PRP4K: variants seen among roughly 807,000 people sequenced by gnomAD.
PRP4K encodes serine/threonine-protein kinase PRP4 homolog.
At chr6:4,027,063 G>A in the PRP4K span, among the ~76,000 whole-genome samples, 108 of 152,262 alleles carry the variant, frequency 7.1e-4, no homozygotes, top group African/African-American at 2.4e-3. Flanking sequence ...GGGGGATGTT[G>A]GGGCTGTAAG....
At chr6:4,060,301 T>G in the PRP4K span, 3 of 925,486 alleles carry the variant, frequency 3.2e-6, no homozygotes, top group Non-Finnish European at 4.9e-6. The surrounding 1 kb of genome is among the most constrained non-coding windows in gnomAD (Gnocchi z 4.7). Context: ...GTATATATTT[T>G]GTATGTATAT....
the PRP4K span, among the ~76,000 whole-genome samples, chr6:4,039,576 A>T: frequency 3.3e-5 from 5 of 152,098 alleles, no homozygotes; most frequent in Non-Finnish European, 7.4e-5. Flanking sequence ...AAGGCTTTCA[A>T]CCAATTCTGT....
the PRP4K span, chr6:4,057,133 C>T: frequency 6.2e-7 from 1 of 1,613,620 alleles, no homozygotes; most frequent in South Asian, 1.1e-5. Flanking sequence ...CTGGCAAAAC[C>T]AATAACCATA....
the PRP4K span, among the ~76,000 whole-genome samples, chr6:4,035,780 C>A: frequency 6.6e-6 from 1 of 152,088 alleles, no homozygotes; most frequent in Non-Finnish European, 1.5e-5. Flanking sequence ...CTAGCTTGAC[C>A]GACATGGAGA....
At chr6:4,032,511 G>A in the PRP4K span, 1 of 1,613,926 alleles carries the variant, frequency 6.2e-7, no homozygotes, top group Non-Finnish European at 8.5e-7. Flanking sequence ...TCCCTCTAAA[G>A]ATGCTTCATC....
chr6:4,056,957 C>T, the PRP4K span: 8 of 1,354,348 alleles, frequency 5.9e-6, no homozygotes, highest in Middle Eastern at 2.7e-4. Flanking sequence ...GGTAGCCAGC[C>T]CCTCATTAAT....
chr6:4,024,376 G>A, the PRP4K span, among the ~76,000 whole-genome samples: 1 of 152,006 alleles, frequency 6.6e-6, no homozygotes, highest in Non-Finnish European at 1.5e-5. Flanking sequence ...AGAGAAATAG[G>A]CTTAATTACT....
the PRP4K span, among the ~76,000 whole-genome samples, chr6:4,038,275 A>G: frequency 1.3e-5 from 2 of 151,866 alleles, no homozygotes; most frequent in African/African-American, 2.4e-5. Context: ...ACTCTGGTCA[A>G]TGAGGGGTTT....
the PRP4K span, chr6:4,043,929 T>C: frequency 2.5e-6 from 4 of 1,614,070 alleles, no homozygotes; most frequent in Admixed American, 6.7e-5. Flanking sequence ...AGCGAGTAGC[T>C]GCTGATGTTA....
chr6:4,041,786 C>T, the PRP4K span, among the ~76,000 whole-genome samples: 2 of 152,174 alleles, frequency 1.3e-5, no homozygotes, highest in Admixed American at 1.3e-4. Context: ...AAAAACAAAT[C>T]ATGCTAAGGA....
At chr6:4,040,688 A>G in the PRP4K span, 130,070 of 1,353,496 alleles carry the variant, frequency 0.096, 6,861 homozygotes, top group Middle Eastern at 0.11. Context: ...TAGAATTTCT[A>G]TATATCCCCT....
chr6:4,030,306 T>C, the PRP4K span, among the ~76,000 whole-genome samples: 12,682 of 152,198 alleles, frequency 0.083, 598 homozygotes, highest in Middle Eastern at 0.23. Context: ...TTTTTTTAAA[T>C]GTTAAAGAGA....
the PRP4K span, chr6:4,032,393 C>T: frequency 6.2e-7 from 1 of 1,613,826 alleles, no homozygotes; most frequent in African/African-American, 1.3e-5. Context: ...GTAAAAAATC[C>T]AGATCCCCAG....
At chr6:4,025,389 T>A in the PRP4K span, among the ~76,000 whole-genome samples, 1 of 152,206 alleles carries the variant, frequency 6.6e-6, no homozygotes, top group Non-Finnish European at 1.5e-5. Flanking sequence ...ATTGACTCAA[T>A]GTTTCAAGTT....
At chr6:4,052,895 C>T in the PRP4K span, 20 of 1,581,468 alleles carry the variant, frequency 1.3e-5, no homozygotes, top group Admixed American at 5.6e-5. Flanking sequence ...AGCCAAGCTG[C>T]GCTGTACATC....
chr6:4,037,550 A>C, the PRP4K span: 434 of 1,613,494 alleles, frequency 2.7e-4, no homozygotes, highest in Non-Finnish European at 3.4e-4. Flanking sequence ...CAAGAAGAAG[A>C]AGCAGATCTC....
the PRP4K span, among the ~76,000 whole-genome samples, chr6:4,048,649 C>G: frequency 6.6e-6 from 1 of 152,072 alleles, no homozygotes; most frequent in East Asian, 1.9e-4. Flanking sequence ...CTCACCGCAG[C>G]CTTGAATTCC....
chr6:4,062,051 A>T, the PRP4K span: 1 of 152,654 alleles, frequency 6.6e-6, no homozygotes, highest in Non-Finnish European at 1.5e-5. The surrounding 1 kb of genome is among the most constrained non-coding windows in gnomAD (Gnocchi z 4.2). Flanking sequence ...AGCCAAAATT[A>T]CCAGTTTATT....
chr6:4,049,096 A>G, the PRP4K span: 2 of 1,608,886 alleles, frequency 1.2e-6, no homozygotes, highest in South Asian at 1.1e-5. Flanking sequence ...CCGATGCAGA[A>G]GGCTATTATC....
Sources: allele counts gnomAD v4.1 joint callset (sites outside exome capture counted in the v4.1 genomes callset), GRCh38; gene constraint gnomAD v4.1.1; non-coding constraint Gnocchi (gnomAD v3.1); transcripts MANE v1.5; gene names NCBI Gene and HGNC (gene_info 2026-07-23, HGNC 2026-07-21).